The following DOCK2 variants were observed in gnomAD, a reference collection of about 807,000 sequenced individuals.
The protein encoded by DOCK2 is dedicator of cytokinesis protein 2.
Under a neutral mutation model 248.9 loss-of-function variants are expected in DOCK2, and 87 were observed. The ratio of observed to expected loss-of-function variants is 0.35; its 90% CI spans 0.29 to 0.42. The LOEUF is 0.42. Among genes scored for constraint, DOCK2 ranks in the 10% least tolerant of loss-of-function variants. The pLI is 1.00. For missense variants in DOCK2, 1,747 were observed against 2,300.2 expected (o/e 0.76, Z 4.92); for synonymous variants, 805 against 821.6 (o/e 0.98, Z 0.35).
chr5:169,751,724 C>T (rs1441806615), intron 23 of DOCK2, among the ~76,000 whole-genome samples: 2 of 152,128 alleles, frequency 1.3e-5, no homozygotes, highest in Non-Finnish European at 2.9e-5. Flanking sequence ...GGCAGCAGCT[C>T]ACCAAGACCA....
chr5:170,049,316 T>C (rs1485570667), intron 40 of DOCK2, among the ~76,000 whole-genome samples: 1 of 152,240 alleles, frequency 6.6e-6, no homozygotes, highest in Non-Finnish European at 1.5e-5. Context: ...TGTTTCACCA[T>C]GTTGGCCAGG....
intron 27 of DOCK2, among the ~76,000 whole-genome samples, chr5:169,962,256 G>A (rs1777120096): frequency 6.6e-6 from 1 of 152,158 alleles, no homozygotes; most frequent in Admixed American, 6.5e-5. Context: ...AGACATCGTG[G>A]TGGACTGACC....
chr5:169,789,936 T>C (rs1766224038), intron 25 of DOCK2, among the ~76,000 whole-genome samples: 1 of 152,252 alleles, frequency 6.6e-6, no homozygotes, highest in Non-Finnish European at 1.5e-5. Context: ...CTTCAGTTTA[T>C]TTGAAATATA....
chr5:169,875,537 C>A, intron 27 of DOCK2: 1 of 263,304 alleles, frequency 3.8e-6, no homozygotes, highest in Non-Finnish European at 7.7e-6. Context: ...CTGTGTTCTG[C>A]TGTGGCCGTT....
intron 27 of DOCK2, among the ~76,000 whole-genome samples, chr5:169,941,541 G>C (rs1221605963): frequency 6.6e-6 from 1 of 152,202 alleles, no homozygotes; most frequent in Non-Finnish European, 1.5e-5. Context: ...GGCTAGAAAG[G>C]AGAGTGCAAG....
intron 27 of DOCK2, among the ~76,000 whole-genome samples, chr5:169,879,499 ACAGT>A (rs1315028288): frequency 2.0e-5 from 3 of 152,186 alleles, no homozygotes; most frequent in African/African-American, 7.2e-5. Context: ...TTCTGGGAGA[ACAGT>A]CTGGCTTTGA....
At chr5:169,890,262 T>G (rs774976449) in intron 27 of DOCK2, among the ~76,000 whole-genome samples, 5 of 152,160 alleles carry the variant, frequency 3.3e-5, no homozygotes, top group African/African-American at 1.2e-4. Flanking sequence ...TGTAGGGATA[T>G]GTCTTCCACT....
intron 30 of DOCK2, among the ~76,000 whole-genome samples, chr5:170,002,292 A>T (rs189233750): frequency 6.6e-6 from 1 of 152,340 alleles, no homozygotes; most frequent in East Asian, 1.9e-4. Flanking sequence ...GAATTTGGTT[A>T]AAATTAAAGT....
At chr5:169,728,426 G>A (rs1332705163) in intron 22 of DOCK2, among the ~76,000 whole-genome samples, 5 of 152,002 alleles carry the variant, frequency 3.3e-5, no homozygotes, top group African/African-American at 1.2e-4. Context: ...TTGAAGGGAT[G>A]GGTGAAAAAA....
At chr5:170,047,450 G>A in intron 39 of DOCK2, 60 bp from the exon 40 acceptor site, 9 of 1,488,352 alleles carry the variant, frequency 6.0e-6, no homozygotes, top group Non-Finnish European at 8.4e-6. Context: ...AGGCCTCTTT[G>A]AGTTGAATGT....
chr5:169,750,397 A>G (rs1488138229), intron 23 of DOCK2, among the ~76,000 whole-genome samples: 2 of 152,252 alleles, frequency 1.3e-5, no homozygotes, highest in African/African-American at 4.8e-5. Flanking sequence ...CTTCTTTATC[A>G]GCTGCATGAC....
intron 38 of DOCK2, among the ~76,000 whole-genome samples, chr5:170,042,369 C>A (rs534948685): frequency 1.1e-4 from 16 of 152,294 alleles, no homozygotes; most frequent in African/African-American, 3.9e-4. Flanking sequence ...TCCTCCACTA[C>A]CCCCAACAGA....
chr5:169,960,769 C>T (rs1272783802), intron 27 of DOCK2, among the ~76,000 whole-genome samples: 2 of 152,102 alleles, frequency 1.3e-5, no homozygotes, highest in Non-Finnish European at 2.9e-5. Flanking sequence ...ATGGAAAATC[C>T]ACAGATAAAT....
intron 2 of DOCK2, among the ~76,000 whole-genome samples, chr5:169,663,783 T>G (rs1356967005): frequency 6.6e-6 from 1 of 152,166 alleles, no homozygotes; most frequent in East Asian, 1.9e-4. Context: ...CAAAACCATA[T>G]TTCCTTCCTA....
At chr5:169,878,060 G>C (rs1434309648) in intron 27 of DOCK2, among the ~76,000 whole-genome samples, 1 of 152,196 alleles carries the variant, frequency 6.6e-6, no homozygotes, top group African/African-American at 2.4e-5. Context: ...AGAAATGCGT[G>C]ATCTCTGTAA....
rs149886219 is a variant in DOCK2 at position 169,697,908 on chromosome 5, G to A, written c.980-466G>A. The stretch of plus-strand genomic sequence containing the variant: ...GGATACCTCTGGAATCACAGGATTT[G>A]AGGATTCTTCAGTTATGTATCTGTA... On this transcript the variant is annotated intron_variant, in intron 10 of 51. Transcript: ENST00000520908. 2.1e-4 allele frequency among the ~76,000 whole-genome samples: 32 copies of A among 152,248 alleles called. No individual in the cohort carries two copies. The East Asian group carries it at 5.8e-3, about 28-fold the overall frequency.
intron 6 of DOCK2, among the ~76,000 whole-genome samples, chr5:169,679,561 CG>C (rs1406810427): frequency 2.6e-5 from 4 of 152,150 alleles, no homozygotes; most frequent in African/African-American, 4.8e-5. Context: ...ATTTTAGAAC[CG>C]AATCCACTTT....
intron 15 of DOCK2, among the ~76,000 whole-genome samples, chr5:169,710,980 C>T (rs755581034): frequency 3.9e-5 from 6 of 152,156 alleles, no homozygotes; most frequent in Non-Finnish European, 8.8e-5. Flanking sequence ...GGCCAGCACC[C>T]CACATGATTG....
chr5:169,884,179 A>C, intron 27 of DOCK2: 2 of 269,946 alleles, frequency 7.4e-6, no homozygotes, highest in African/African-American at 2.2e-5. Flanking sequence ...ACTATTAAAC[A>C]TCTGATCTAC....
Sources: allele counts gnomAD v4.1 joint callset (sites outside exome capture counted in the v4.1 genomes callset), GRCh38; gene constraint gnomAD v4.1.1; transcripts MANE v1.5; gene names NCBI Gene and HGNC (gene_info 2026-07-23, HGNC 2026-07-21).